The following C16orf46 variants were observed in gnomAD, a reference collection of about 807,000 sequenced individuals.
C16orf46 encodes chromosome 16 open reading frame 46.
A neutral mutation model predicts 5.5 loss-of-function variants in C16orf46; 7 were observed. The ratio of observed to expected loss-of-function variants is 1.28; its 90% CI spans 0.73 to 2.40. C16orf46 has a LOEUF of 2.40. Among genes scored for constraint, C16orf46 ranks in the 30% most tolerant of loss-of-function variants. The pLI, the probability that C16orf46 is intolerant of heterozygous loss-of-function variation, is 0.00. For synonymous variants in C16orf46, 200 were observed against 184.1 expected, an observed-to-expected ratio of 1.09 and a Z score of -0.70; for missense variants, 614 against 476.0, an observed-to-expected ratio of 1.29 and a Z score of -2.70.
At chr16:81,068,565 A>ATT (rs33943128) in intron 1 of C16orf46, among the ~76,000 whole-genome samples, 87,990 of 131,128 alleles carry the variant, frequency 0.67, 30,592 homozygotes, top group South Asian at 0.8. Flanking sequence ...ATTTCTTTGT[A>ATT]TTTTTTTTTT....
intron 3 of C16orf46, 48 bp from the exon 4 acceptor site, chr16:81,062,186 G>C (rs1971506496): frequency 6.8e-7 from 1 of 1,464,208 alleles, no homozygotes; most frequent in Non-Finnish European, 9.0e-7. Flanking sequence ...GGCCCAAACT[G>C]TCCTTGCCCC....
At position 81,063,825 on chromosome 16, in the gene C16orf46, A is replaced by C. The variant is rs1971565762; in HGVS notation, c.131T>G (p.Leu44Arg). The C allele has an allele frequency of 5.6e-6, 9 of 1,614,000 alleles. No individual in the cohort carries two copies. The highest frequency in any genetic ancestry group is 6.8e-6 in the Non-Finnish European group (8 of 1,180,026). The change falls in exon 3 of 4, where the codon CTT (leucine) becomes CGT (arginine). Residue 44 changes from leucine (L) to arginine (R), a missense_variant. Coordinates refer to ENST00000299578, the MANE Select transcript of C16orf46 (RefSeq NM_152337.3). ...GKSEKNHVYC[L>R]LDVSDITLEQ... ...AAGCGTAATGTCACTGACATCGAGAAGACAATAAACATGATTTTTTTCACT... is the reference window on the plus strand; with the variant it reads ...AAGCGTAATGTCACTGACATCGAGACGACAATAAACATGATTTTTTTCACT...
rs191780491 is a variant in C16orf46, at chr16:81,071,328, T to C, written c.-127-5047A>G. ...AATAAGAGCGACCAACTATCTGTGA[T>C]CAAGGCTAAATGCCAGAGAAGAAAA... On this transcript the variant is annotated intron_variant, in intron 1 of 3. Coordinates refer to ENST00000299578, the MANE Select transcript of C16orf46 (RefSeq NM_152337.3). Among the ~76,000 whole-genome samples the C allele has an allele frequency of 2.2e-3, 342 of 152,014 alleles. 1 individual carries two copies. The highest frequency in any genetic ancestry group is 7.9e-3 in the African/African-American group (325 of 41,366).
At chr16:81,071,697 T>C (rs1029844805) in intron 1 of C16orf46, among the ~76,000 whole-genome samples, 1 of 151,600 alleles carries the variant, frequency 6.6e-6, no homozygotes, top group African/African-American at 2.4e-5. Context: ...TCTAAATCAA[T>C]AAATAAGTAA....
At chr16:81,055,867 G>C (rs554580719) in intron 3 of C16orf46, 1 of 152,270 alleles carries the variant, frequency 6.6e-6, no homozygotes, top group African/African-American at 2.4e-5. Flanking sequence ...ATAGGCATGT[G>C]CCACCATAAC....
chr16:81,063,926 G>A lies in C16orf46; in HGVS notation c.30C>T (p.Asp10=). 6.2e-7 allele frequency: 1 copy of A among 1,613,206 alleles called. No individual in the cohort carries two copies. The highest frequency in any genetic ancestry group is 8.5e-7 in the Non-Finnish European group (1 of 1,179,590). The change falls in exon 3 of 4, where the codon GAC becomes GAT. Residue 10 remains aspartate, a synonymous_variant. Coordinates refer to ENST00000299578, the MANE Select transcript of C16orf46 (RefSeq NM_152337.3). ...TTTCATTATTTTCAGCATTTTCTAA[G>A]TCAGTCTCATTTTTCTGACAGAGAT... is the stretch of plus-strand genomic sequence containing the variant. MDLCQKNET[D]LENAENNEIQ... is the part of the protein sequence containing the mutation.
At chr16:81,054,523 A>T (rs902051216) in intron 3 of C16orf46, among the ~76,000 whole-genome samples, 1 of 151,806 alleles carries the variant, frequency 6.6e-6, no homozygotes, top group Non-Finnish European at 1.5e-5. Flanking sequence ...GTAACGTGAT[A>T]TATATATATG....
chr16:81,056,036 G>A (rs1483313158), downstream of C16orf46: 1 of 152,192 alleles, frequency 6.6e-6, no homozygotes, highest in Non-Finnish European at 1.5e-5. Flanking sequence ...CATTTTAAAA[G>A]ATACATGGGG....
rs150332770 is a variant in C16orf46, at chr16:81,064,331, C to G, written c.-38-338G>C. Among the ~76,000 whole-genome samples, 6 of 149,438 alleles carry G rather than the reference C, an allele frequency of 4.0e-5. No individual in the cohort carries two copies. In the East Asian group the frequency reaches 1.2e-3, roughly 29 times the overall value. The stretch of plus-strand genomic sequence containing the variant: ...GTGAGCTGAGATTGGCCACTGCACT[C>G]CAGCCTGGGTTAGAGAGTGAGATTA... On this transcript the variant is annotated intron_variant, in intron 2 of 3. Coordinates refer to ENST00000299578, the MANE Select transcript of C16orf46 (RefSeq NM_152337.3).
rs981408414 is a variant in C16orf46, at chr16:81,061,522, T to C, written c.827A>G (p.Asn276Ser). ...ASELAKHPMVNDTPSSPSPAA... is the reference protein window; with the variant it reads ...ASELAKHPMVSDTPSSPSPAA... ...TGGGGAAGGGGAGGATGGCGTGTCG[T>C]TGACCATAGGGTGTTTGGCCAGCTC... is the stretch of plus-strand genomic sequence containing the variant. The change falls in exon 4 of 4, where the codon AAC (asparagine) becomes AGC (serine). Residue 276 changes from asparagine (N) to serine (S), a missense_variant. Transcript: ENST00000299578. The C allele has an allele frequency of 6.2e-7, 1 of 1,614,078 alleles. No homozygotes were observed. The highest frequency in any genetic ancestry group is 1.3e-5 in the African/African-American group (1 of 74,922).
Position 81,061,195 on chromosome 16 carries a change from ACT to A in C16orf46, c.1152_1153del (p.Arg384SerfsTer?), listed in dbSNP as rs1567572799. ...CCTGTGGGTAGAGACAGGAATGATA[ACT>A]CTGCTCACTGTGAGAGACGGCAAGA... is the stretch of plus-strand genomic sequence containing the variant. On this transcript the variant is annotated frameshift_variant, in exon 4 of 4. Transcript: ENST00000299578. LOFTEE classifies it high-confidence loss of function. 8 of 1,613,254 alleles carry A rather than the reference ACT, an allele frequency of 5.0e-6. No homozygotes were observed. The highest frequency in any genetic ancestry group is 6.8e-6 in the Non-Finnish European group (8 of 1,179,664).
chr16:81,060,066 G>A (rs1971419524), downstream of C16orf46, among the ~76,000 whole-genome samples: 1 of 152,068 alleles, frequency 6.6e-6, no homozygotes, highest in South Asian at 2.1e-4. Context: ...GGGATTACAG[G>A]TGTGAGCCAC....
At chr16:81,055,731 T>C (rs1971275537) in intron 3 of C16orf46, among the ~76,000 whole-genome samples, 1 of 152,126 alleles carries the variant, frequency 6.6e-6, no homozygotes, top group Non-Finnish European at 1.5e-5. Flanking sequence ...TTTTTTATTA[T>C]TGTTTTGAGA....
In C16orf46 at chr16:81,061,250, G is replaced by C; in HGVS notation, c.1099C>G (p.Leu367Val). Residue 367 changes from leucine to valine, a missense_variant, in exon 4 of 4, where the codon CTG becomes GTG. Leu to Val is a conservative substitution (Grantham distance 32). Transcript: ENST00000299578. ...KAKQENRPQM[L>V]ETKVFPRPVL... ...GGTCTTGGGAAAACTTTGGTCTCCA[G>C]CATTTGGGGCCTGTTTTCCTGCTTG... 2 of 1,614,148 alleles carry C rather than the reference G, an allele frequency of 1.2e-6. No homozygotes were observed. The highest frequency in any genetic ancestry group is 1.7e-6 in the Non-Finnish European group (2 of 1,180,026).
At chr16:81,068,214 G>A (rs1211274828) in intron 1 of C16orf46, among the ~76,000 whole-genome samples, 1 of 152,210 alleles carries the variant, frequency 6.6e-6, no homozygotes, top group Non-Finnish European at 1.5e-5. Flanking sequence ...CCAATCTATA[G>A]AGTATGAAGT....
intron 1 of C16orf46, among the ~76,000 whole-genome samples, chr16:81,071,746 A>G (rs1971861339): frequency 6.6e-6 from 1 of 152,248 alleles, no homozygotes; most frequent in Admixed American, 6.5e-5. Context: ...AAGTCAATGC[A>G]TAACATAACT....
Position 81,063,889 on chromosome 16 carries a change from C to T in C16orf46, c.67G>A (p.Glu23Lys), listed in dbSNP as rs1192988275. 2 of 1,613,578 alleles carry T rather than the reference C, an allele frequency of 1.2e-6. No homozygotes were observed. The highest frequency in any genetic ancestry group is 2.2e-5 in the South Asian group (2 of 91,070). The change falls in exon 3 of 4, where the codon GAA becomes AAA. Residue 23 changes from glutamate to lysine, a missense_variant. Glu to Lys is a moderately conservative substitution (Grantham distance 56). Transcript: ENST00000299578. ...CAAGTATAGGTTGGTTCTGTTTCTT[C>T]TGTGAACTGAATTTCATTATTTTCA... ...NAENNEIQFT[E>K]ETEPTYTCPD...
chr16:81,074,504 C>A (rs951723834), intron 1 of C16orf46, among the ~76,000 whole-genome samples: 2 of 152,074 alleles, frequency 1.3e-5, no homozygotes, highest in African/African-American at 2.4e-5. Context: ...CCTGCCTCAG[C>A]CTCCTGAGTA....
At chr16:81,056,608 A>G (rs2151745900), downstream of C16orf46, among the ~76,000 whole-genome samples, 1 of 151,366 alleles carries the variant, frequency 6.6e-6, no homozygotes, top group South Asian at 2.1e-4. Context: ...AGGCAGGAGA[A>G]TCACTTGAAT....
Sources: gnomAD v4.1 joint callset for allele counts (sites outside exome capture counted in the v4.1 genomes callset) on GRCh38, gnomAD v4.1.1 for gene constraint, MANE v1.5 for transcripts, NCBI Gene and HGNC (gene_info 2026-07-23, HGNC 2026-07-21) for gene names.